BFSP2: variants seen among roughly 807,000 people sequenced by gnomAD.
The protein encoded by BFSP2 is phakinin.
A neutral mutation model predicts 44.9 loss-of-function variants in BFSP2; 38 were observed. That is an observed-to-expected ratio of 0.85 (90% CI 0.65 to 1.11). BFSP2 has a LOEUF of 1.11. Ranked by LOEUF, BFSP2 falls within the 50% of genes least tolerant of loss-of-function variation. The pLI is 0.00. For missense variants in BFSP2, 525 were observed against 533.0 expected, an observed-to-expected ratio of 0.99 and a Z score of 0.15; for synonymous variants, 197 against 209.9, an observed-to-expected ratio of 0.94 and a Z score of 0.53.
At chr3:133,418,378 G>T (rs935840070) in intron 1 of BFSP2, among the ~76,000 whole-genome samples, 1 of 152,092 alleles carries the variant, frequency 6.6e-6, no homozygotes, top group African/African-American at 2.4e-5. Context: ...GTTCATCTGC[G>T]CAATGAAGAT....
At position 133,446,143 on chromosome 3, in the gene BFSP2, G is replaced by A. The variant is rs986617326; in HGVS notation, c.490-1174G>A. Among the ~76,000 whole-genome samples, 4 of 152,156 alleles carry A rather than the reference G, an allele frequency of 2.6e-5. 1 individual carries two copies. In the South Asian group the frequency reaches 8.3e-4, roughly 32 times the overall value. ...AGTGGGGAATTCAATGAAAATGGCA[G>A]GGTTTGGTGGCTTACACCTGTAACC... is the stretch of plus-strand genomic sequence containing the variant. On this transcript the variant is annotated intron_variant, in intron 1 of 6. Transcript: ENST00000302334.
intron 1 of BFSP2, among the ~76,000 whole-genome samples, chr3:133,413,794 T>C (rs1576559855): frequency 6.6e-6 from 1 of 151,974 alleles, no homozygotes; most frequent in African/African-American, 2.4e-5. Context: ...TGACCACCAC[T>C]GGAAAACAAC....
At chr3:133,460,043 C>A (rs2074047943) in intron 4 of BFSP2, among the ~76,000 whole-genome samples, 3 of 152,002 alleles carry the variant, frequency 2.0e-5, no homozygotes, top group Admixed American at 2.0e-4. Context: ...ATAAGGAACC[C>A]ACAGTCCAGT....
chr3:133,407,871 G>A (rs1462076735), intron 1 of BFSP2, among the ~76,000 whole-genome samples: 2 of 151,736 alleles, frequency 1.3e-5, no homozygotes, highest in East Asian at 1.9e-4. Context: ...TGTACCCTAG[G>A]GTCAGTTCTA....
intron 1 of BFSP2, among the ~76,000 whole-genome samples, chr3:133,404,083 G>A (rs565446396): frequency 1.3e-5 from 2 of 152,176 alleles, no homozygotes; most frequent in Non-Finnish European, 2.9e-5. Context: ...CTCATAGGAT[G>A]CTGCACTGGA....
chr3:133,440,252 C>T (rs1293550277), intron 1 of BFSP2, among the ~76,000 whole-genome samples: 2 of 152,136 alleles, frequency 1.3e-5, no homozygotes, highest in Non-Finnish European at 1.5e-5. Flanking sequence ...AATTATCTCC[C>T]ACCAGGTCCC....
At position 133,432,889 on chromosome 3, in the gene BFSP2, C is replaced by T. The variant is rs1029877880; in HGVS notation, c.490-14428C>T. The stretch of plus-strand genomic sequence containing the variant: ...ACATCCTGCAGCCTTTCTGTCCAAA[C>T]AACTTGACCTTACTGTTTTAGCCTA... On this transcript the variant is annotated intron_variant, in intron 1 of 6. Coordinates refer to ENST00000302334, the MANE Select transcript of BFSP2 (RefSeq NM_003571.4). Among the ~76,000 whole-genome samples the T allele has an allele frequency of 3.8e-4, 58 of 152,328 alleles. No homozygotes were observed. The Middle Eastern group carries it at 0.014, about 36-fold the overall frequency.
At chr3:133,446,227 C>G (rs1401142872) in intron 1 of BFSP2, among the ~76,000 whole-genome samples, 1 of 152,028 alleles carries the variant, frequency 6.6e-6, no homozygotes, top group African/African-American at 2.4e-5. Context: ...TCGAGACCAG[C>G]CTGGCCAACA....
At chr3:133,417,464 C>T (rs1420401736) in intron 1 of BFSP2, among the ~76,000 whole-genome samples, 2 of 136,452 alleles carry the variant, frequency 1.5e-5, no homozygotes, top group African/African-American at 2.8e-5. Context: ...TCTACTCACC[C>T]CTACCCTCTC....
chr3:133,448,878 A>C (rs2073929579), intron 3 of BFSP2: 1 of 552,638 alleles, frequency 1.8e-6, no homozygotes, highest in East Asian at 3.2e-5. Flanking sequence ...AAACAGGGGA[A>C]GGCAGCCAGT....
intron 1 of BFSP2, among the ~76,000 whole-genome samples, chr3:133,446,791 T>G: frequency 6.6e-6 from 1 of 150,700 alleles, no homozygotes; most frequent in Admixed American, 6.6e-5. Flanking sequence ...CACGTGTATG[T>G]TTTGGGGGAG....
chr3:133,473,130 G>T (rs902133359), intron 6 of BFSP2, among the ~76,000 whole-genome samples: 1 of 151,962 alleles, frequency 6.6e-6, no homozygotes, highest in Non-Finnish European at 1.5e-5. Context: ...GCTTCAGTAC[G>T]TCTGGGGTGG....
intron 1 of BFSP2, among the ~76,000 whole-genome samples, chr3:133,417,167 C>A (rs1437381772): frequency 2.3e-5 from 3 of 128,496 alleles, no homozygotes; most frequent in African/African-American, 9.0e-5. Context: ...TCTCTACTCA[C>A]CCCTGCCATC....
chr3:133,463,571 T>C (rs2074083303), intron 4 of BFSP2, among the ~76,000 whole-genome samples: 1 of 152,236 alleles, frequency 6.6e-6, no homozygotes, highest in African/African-American at 2.4e-5. Flanking sequence ...ACCTGCTCAT[T>C]TAAGGCATTC....
rs570008890 is a variant in BFSP2 at position 133,451,884 on chromosome 3, T to C, written c.891+1420T>C. ...CCCTTCTCCATCTCCCACCCATTTCTGACTTTGTAATCTTGAGACAGAGGA... is the reference window on the plus strand; with the variant it reads ...CCCTTCTCCATCTCCCACCCATTTCCGACTTTGTAATCTTGAGACAGAGGA... On this transcript the variant is annotated intron_variant, in intron 4 of 6. Transcript: ENST00000302334. 7.9e-5 allele frequency among the ~76,000 whole-genome samples: 12 copies of C among 152,346 alleles called. No individual in the cohort carries two copies. The South Asian group carries it at 2.5e-3, about 32-fold the overall frequency.
intron 1 of BFSP2, among the ~76,000 whole-genome samples, chr3:133,401,712 C>G (rs1559954830): frequency 6.6e-6 from 1 of 152,220 alleles, no homozygotes; most frequent in Non-Finnish European, 1.5e-5. Context: ...AAATCAGTCT[C>G]TAACCCACCA....
intron 3 of BFSP2, 102 bp downstream of exon 3, chr3:133,448,747 C>G (rs1485595438): frequency 4.1e-6 from 6 of 1,451,490 alleles, no homozygotes; most frequent in Non-Finnish European, 5.7e-6. Flanking sequence ...TTCTGACTCT[C>G]CACATTGCGT....
rs1411941749 is a variant in BFSP2, at chr3:133,450,441, G to A, written c.868G>A (p.Ala290Thr). The A allele has an allele frequency of 6.2e-7, 1 of 1,614,116 alleles. No homozygotes were observed. The highest frequency in any genetic ancestry group is 1.3e-5 in the African/African-American group (1 of 75,038). Residue 290 changes from alanine (A) to threonine (T), a missense_variant, in exon 4 of 7, where the codon GCA (alanine) becomes ACA (threonine). By Grantham distance (58) the Ala-to-Thr change is moderately conservative. Coordinates refer to ENST00000302334, the MANE Select transcript of BFSP2 (RefSeq NM_003571.4). ...ERDVEKNRVE[A>T]GALLQAKQQA... Reference sequence around the variant, plus strand: ...AGATGTTGAAAAGAACCGGGTGGAGGCAGGAGCCCTGCTCCAAGCTAAGGT... The same window carrying A: ...AGATGTTGAAAAGAACCGGGTGGAGACAGGAGCCCTGCTCCAAGCTAAGGT...
At position 133,400,406 on chromosome 3, in the gene BFSP2, T is replaced by C; in HGVS notation, c.323T>C (p.Val108Ala). ...APGLERDHGAVEDLGGCLVEY... is the reference protein window; with the variant it reads ...APGLERDHGAAEDLGGCLVEY... ...GGTTTGGAGAGGGACCATGGTGCTG[T>C]TGAGGACCTAGGGGGCTGCCTGGTG... The change falls in exon 1 of 7, where the codon GTT (valine) becomes GCT (alanine). Residue 108 changes from valine to alanine, a missense_variant. Physicochemically the swap from Val to Ala is moderately conservative, Grantham distance 64. Coordinates refer to ENST00000302334, the MANE Select transcript of BFSP2 (RefSeq NM_003571.4). The surrounding 1 kb of genome is among the most constrained non-coding windows in gnomAD (Gnocchi z 4.0). The C allele has an allele frequency of 6.2e-7, 1 of 1,614,036 alleles. No individual in the cohort carries two copies. The highest frequency in any genetic ancestry group is 8.5e-7 in the Non-Finnish European group (1 of 1,180,016).
Sources: allele counts gnomAD v4.1 joint callset (sites outside exome capture counted in the v4.1 genomes callset), GRCh38; gene constraint gnomAD v4.1.1; non-coding constraint Gnocchi (gnomAD v3.1); transcripts MANE v1.5; gene names NCBI Gene and HGNC (gene_info 2026-07-23, HGNC 2026-07-21).